Variants in LZIC observed in about 807,000 individuals in gnomAD.
LZIC encodes protein LZIC.
Under a neutral mutation model 25.4 loss-of-function variants are expected in LZIC, and 28 were observed. That is an observed-to-expected ratio of 1.10 (90% CI 0.82 to 1.51). The LOEUF is 1.51. Ranked by LOEUF, LZIC falls within the 40% of genes most tolerant of loss-of-function variation. The probability of loss-of-function intolerance (pLI) is 0.00; values close to 1 mark genes in which losing one functional copy is unlikely to be tolerated. For synonymous variants in LZIC, 65 were observed against 70.7 expected (o/e 0.92, Z 0.40); for missense variants, 170 against 211.1 (o/e 0.81, Z 1.21).
At chr1:9,935,095 A>G (rs1251259564) in intron 4 of LZIC, among the ~76,000 whole-genome samples, 4 of 151,790 alleles carry the variant, frequency 2.6e-5, no homozygotes, top group African/African-American at 9.7e-5. Context: ...CATGAGTTTG[A>G]GACCAGCCTT....
chr1:9,932,750 G>A (rs1570635228), intron 6 of LZIC, 53 bp downstream of exon 6: 1 of 901,644 alleles, frequency 1.1e-6, no homozygotes, highest in Non-Finnish European at 1.8e-6. Context: ...AAGATGTTCT[G>A]TACCAAATAA....
intron 7 of LZIC, among the ~76,000 whole-genome samples, chr1:9,931,539 G>A (rs896502537): frequency 2.0e-5 from 3 of 152,148 alleles, no homozygotes; most frequent in African/African-American, 7.2e-5. Flanking sequence ...TGGGATTACA[G>A]GTGTGAGCCA....
chr1:9,926,138 G>A (rs930754973), downstream of LZIC, among the ~76,000 whole-genome samples: 9 of 151,952 alleles, frequency 5.9e-5, no homozygotes, highest in African/African-American at 1.9e-4. Flanking sequence ...GCCCGCCTCC[G>A]CCTCCCAAAG....
rs1640817508 is a variant in LZIC, at chr1:9,942,718, G to A, written c.-103C>T. ...ACGTTCCGAGTGTCATAAACTTGAG[G>A]AAAATGAAATTATTCATCAGGACTA... On this transcript the variant is annotated 5_prime_UTR_variant, in exon 2 of 8. Coordinates refer to ENST00000377223, the MANE Select transcript of LZIC (RefSeq NM_032368.5). 7.8e-7 allele frequency: 1 copy of A among 1,288,564 alleles called. No homozygotes were observed. The highest frequency in any genetic ancestry group is 5.5e-5 in the East Asian group (1 of 18,032). 79.8% of individuals were successfully genotyped at this position (1,288,564 alleles called of 1,614,324 possible).
intron 6 of LZIC, 77 bp downstream of exon 6, chr1:9,932,726 C>G: frequency 1.8e-6 from 1 of 560,654 alleles, no homozygotes; most frequent in Non-Finnish European, 3.1e-6. Flanking sequence ...GTACCACAAA[C>G]TAGACCACAG....
intron 2 of LZIC, among the ~76,000 whole-genome samples, chr1:9,938,098 G>C (rs1018493622): frequency 6.7e-6 from 1 of 149,720 alleles, no homozygotes; most frequent in African/African-American, 2.5e-5. Context: ...TTTATAAAAT[G>C]AATCATTATA....
intron 6 of LZIC, chr1:9,932,267 C>T: frequency 4.2e-6 from 1 of 237,386 alleles, no homozygotes; most frequent in Non-Finnish European, 8.3e-6. Flanking sequence ...ATTGCTTGAA[C>T]CTGGGAGGCA....
chr1:9,930,183 G>T lies in LZIC; in HGVS notation c.*216C>A. 1 of 1,330,846 alleles carries T rather than the reference G, an allele frequency of 7.5e-7. No individual in the cohort carries two copies. The highest frequency in any genetic ancestry group is 2.1e-5 in the South Asian group (1 of 47,190). 82.4% of individuals were successfully genotyped at this position (1,330,846 alleles called of 1,614,324 possible). On this transcript the variant is annotated 3_prime_UTR_variant, in exon 8 of 8. Coordinates refer to ENST00000377223, the MANE Select transcript of LZIC (RefSeq NM_032368.5). ...ACAGAGTCCAGTGAGTCCCTCTGTC[G>T]CAACAAGTTCAGGATCACTCAAGCA...
At chr1:9,936,467 C>G (rs1640462779) in intron 3 of LZIC, 52 bp downstream of exon 3, 1 of 1,172,968 alleles carries the variant, frequency 8.5e-7, no homozygotes, top group Non-Finnish European at 1.3e-6. Flanking sequence ...ACGGAGCTAG[C>G]TGCAGAAAAA....
At chr1:9,941,986 G>A (rs1266799368) in intron 2 of LZIC, among the ~76,000 whole-genome samples, 2 of 151,908 alleles carry the variant, frequency 1.3e-5, no homozygotes, top group African/African-American at 2.4e-5. Flanking sequence ...GCGCGATCTC[G>A]GCTCACTGCA....
At chr1:9,931,808 A>T in intron 7 of LZIC, 83 bp downstream of exon 7, 1 of 873,602 alleles carries the variant, frequency 1.1e-6, no homozygotes, top group Non-Finnish European at 1.8e-6. Flanking sequence ...TTATTATGTT[A>T]TTTCAACCAC....
intron 5 of LZIC, among the ~76,000 whole-genome samples, chr1:9,934,165 T>C (rs1254114417): frequency 1.3e-5 from 2 of 151,108 alleles, no homozygotes; most frequent in East Asian, 3.9e-4. Flanking sequence ...GAGGCAGAGG[T>C]TGTACTGAAC....
chr1:9,936,415 A>G lies in LZIC; in HGVS notation c.101+104T>C, dbSNP rs1380340490. 4.2e-6 allele frequency: 3 copies of G among 716,884 alleles called. No individual in the cohort carries two copies. In the African/African-American group the frequency reaches 5.3e-5, roughly 13 times the overall value. The allele number at this position is 716,884 out of a possible 1,614,324, so 44.4% of individuals were successfully genotyped here. ...TAATAGACAAAGCACTGCAAAGAACACTACAGGGGAATGCAGAATCATCAC... is the reference window on the plus strand; with the variant it reads ...TAATAGACAAAGCACTGCAAAGAACGCTACAGGGGAATGCAGAATCATCAC... On this transcript the variant is annotated intron_variant, in intron 3 of 7. Transcript: ENST00000377223.
At position 9,927,306 on chromosome 1, in the gene LZIC, A is replaced by C. The variant is rs1176530982; in HGVS notation, c.*3093T>G. On this transcript the variant is annotated 3_prime_UTR_variant, in exon 8 of 8. Transcript: ENST00000377223. ...AAGATTAAGGATTCCAGATTCAGGT[A>C]ACTCTCTTTATCTTTTTTTTAGACA... is the stretch of plus-strand genomic sequence containing the variant. Among the ~76,000 whole-genome samples, 2 of 152,144 alleles carry C rather than the reference A, an allele frequency of 1.3e-5. No homozygotes were observed. Among genetic ancestry groups the C allele is most frequent in the African/African-American group, 4.8e-5 (2 of 41,442 alleles).
Position 9,930,149 on chromosome 1 carries a change from TC to T in LZIC, c.*249del, listed in dbSNP as rs1409738775. ...TTGTTTTCTCTCTTAAACAGACAAA[TC>T]ATAACGAACAGAGTCCAGTGAGTCC... is the stretch of plus-strand genomic sequence containing the variant. On this transcript the variant is annotated 3_prime_UTR_variant, in exon 8 of 8. Transcript: ENST00000377223. 1.6e-6 allele frequency: 2 copies of T among 1,240,112 alleles called. No homozygotes were observed. Among genetic ancestry groups the T allele is most frequent in the African/African-American group, 1.5e-5 (1 of 66,168 alleles). 76.8% of individuals were successfully genotyped at this position (1,240,112 alleles called of 1,614,324 possible).
chr1:9,929,789 TA>T lies in LZIC; in HGVS notation c.*609del, dbSNP rs1640132472. 2.5e-5 allele frequency: 25 copies of T among 984,810 alleles called. No homozygotes were observed. The highest frequency in any genetic ancestry group is 3.5e-5 in the African/African-American group (2 of 57,348). 61.0% of individuals were successfully genotyped at this position (984,810 alleles called of 1,614,324 possible). A position where few individuals can be genotyped will look rare whatever the true frequency, so the allele number is the denominator to read the frequency against. On this transcript the variant is annotated 3_prime_UTR_variant, in exon 8 of 8. Transcript: ENST00000377223. ...ACTGACTTGCACAAATAGTGTTAAT[TA>T]TTTTTTTTAAATGGTACAGAAATAA...
intron 2 of LZIC, among the ~76,000 whole-genome samples, chr1:9,942,088 TG>T (rs1195903874): frequency 1.3e-5 from 2 of 152,076 alleles, no homozygotes; most frequent in African/African-American, 4.8e-5. Flanking sequence ...GGCTAATTTT[TG>T]TATTTTTAGT....
chr1:9,938,682 A>T (rs555294171), intron 2 of LZIC, among the ~76,000 whole-genome samples: 3 of 152,234 alleles, frequency 2.0e-5, no homozygotes, highest in Non-Finnish European at 4.4e-5. Context: ...TGCAAATATT[A>T]TTTCGTCTCC....
In LZIC at chr1:9,929,219, T is replaced by C; in HGVS notation, c.*1180A>G. 3.0e-6 allele frequency: 2 copies of C among 662,842 alleles called. No homozygotes were observed. Among genetic ancestry groups the C allele is most frequent in the Non-Finnish European group, 3.7e-6 (2 of 535,540 alleles). 41.1% of individuals were successfully genotyped at this position (662,842 alleles called of 1,614,324 possible). A position where few individuals can be genotyped will look rare whatever the true frequency, so the allele number is the denominator to read the frequency against. ...TTTTAAGTTCCAAATAAGGCATCAGTGTAGCGGAGGTCCTCTAATCTGTCT... is the reference window on the plus strand; with the variant it reads ...TTTTAAGTTCCAAATAAGGCATCAGCGTAGCGGAGGTCCTCTAATCTGTCT... On this transcript the variant is annotated 3_prime_UTR_variant, in exon 8 of 8. Transcript: ENST00000377223.
Sources: gnomAD v4.1 joint callset for allele counts (sites outside exome capture counted in the v4.1 genomes callset) on GRCh38, gnomAD v4.1.1 for gene constraint, MANE v1.5 for transcripts, NCBI Gene and HGNC (gene_info 2026-07-23, HGNC 2026-07-21) for gene names.